Variants in AKAP6 observed in about 807,000 individuals in gnomAD.
AKAP6 encodes A-kinase anchor protein 6.
In AKAP6, 58 loss-of-function variants were observed where a neutral mutation model predicts 188.5. That is an observed-to-expected ratio of 0.31 (90% CI 0.25 to 0.38). AKAP6 has a LOEUF of 0.38. Ranked by LOEUF, AKAP6 falls within the 10% of genes least tolerant of loss-of-function variation. AKAP6 has a pLI of 1.00. For synonymous variants in AKAP6, 989 were observed against 998.6 expected, an observed-to-expected ratio of 0.99 and a Z score of 0.18; for missense variants, 2,710 against 2,740.0, an observed-to-expected ratio of 0.99 and a Z score of 0.24.
chr14:32,674,715 C>T (rs761849536), intron 7 of AKAP6, among the ~76,000 whole-genome samples: 12 of 152,028 alleles, frequency 7.9e-5, no homozygotes, highest in Non-Finnish European at 1.6e-4. Flanking sequence ...ACCCAAGTAG[C>T]GATGTCAGGT....
intron 2 of AKAP6, among the ~76,000 whole-genome samples, chr14:32,501,478 A>G (rs1322368014): frequency 6.6e-6 from 1 of 152,008 alleles, no homozygotes; most frequent in African/African-American, 2.4e-5. Flanking sequence ...AAAGTATATC[A>G]CTTCTACCCA....
At chr14:32,454,692 C>T (rs1274226609) in intron 2 of AKAP6, among the ~76,000 whole-genome samples, 5 of 60,860 alleles carry the variant, frequency 8.2e-5, no homozygotes, top group South Asian at 8.0e-4. Flanking sequence ...TCCTTCCCTC[C>T]CTCCCTCCCT....
intron 2 of AKAP6, among the ~76,000 whole-genome samples, chr14:32,499,002 A>G (rs1412330466): frequency 1.3e-5 from 2 of 151,480 alleles, no homozygotes; most frequent in East Asian, 1.9e-4. Flanking sequence ...TCCATACTCT[A>G]TGTAGCACAT....
intron 1 of AKAP6, among the ~76,000 whole-genome samples, chr14:32,389,371 T>C (rs1957643): frequency 0.85 from 129,609 of 152,000 alleles, 56,121 homozygotes; most frequent in Non-Finnish European, 0.93. Context: ...GAGGTACCAT[T>C]CTATTCATCC....
intron 1 of AKAP6, among the ~76,000 whole-genome samples, chr14:32,413,821 A>T (rs932738034): frequency 2.8e-4 from 42 of 152,144 alleles, no homozygotes; most frequent in African/African-American, 9.9e-4. Context: ...AGGGAGGATG[A>T]GCCCAAAGCA....
intron 1 of AKAP6, among the ~76,000 whole-genome samples, chr14:32,333,121 C>T (rs1886583478): frequency 6.6e-6 from 1 of 152,086 alleles, no homozygotes; most frequent in Non-Finnish European, 1.5e-5. Flanking sequence ...TTGTCCTAAC[C>T]TGCTCCAAAG....
intron 2 of AKAP6, among the ~76,000 whole-genome samples, chr14:32,481,732 C>T (rs1173016084): frequency 2.6e-5 from 4 of 152,140 alleles, no homozygotes; most frequent in African/African-American, 7.2e-5. Flanking sequence ...ACAGCAAAAC[C>T]ATATAAATTT....
intron 2 of AKAP6, among the ~76,000 whole-genome samples, chr14:32,456,498 TTTTTG>T (rs757409725): frequency 1.6e-4 from 24 of 152,202 alleles, no homozygotes; most frequent in Non-Finnish European, 2.2e-4. Context: ...CATGCAAAAT[TTTTTG>T]TTTTATTATC....
chr14:32,461,800 T>A (rs1891333575), intron 2 of AKAP6, among the ~76,000 whole-genome samples: 1 of 152,040 alleles, frequency 6.6e-6, no homozygotes, highest in African/African-American at 2.4e-5. Flanking sequence ...AAGGAGGATG[T>A]TATAATGCAA....
At chr14:32,803,246 C>G (rs370522972) in intron 12 of AKAP6, among the ~76,000 whole-genome samples, 1 of 151,006 alleles carries the variant, frequency 6.6e-6, no homozygotes, top group East Asian at 1.9e-4. Context: ...GAGTTCAAGA[C>G]CAGCCTGGCC....
At chr14:32,531,127 A>AT (rs1882395376) in intron 2 of AKAP6, among the ~76,000 whole-genome samples, 1 of 152,198 alleles carries the variant, frequency 6.6e-6, no homozygotes, top group African/African-American at 2.4e-5. Flanking sequence ...TGAGTACTGC[A>AT]TGCCATGGTG....
At chr14:32,400,847 A>G (rs964327975) in intron 1 of AKAP6, among the ~76,000 whole-genome samples, 6 of 152,150 alleles carry the variant, frequency 3.9e-5, no homozygotes, top group Admixed American at 2.6e-4. Context: ...GGATCCTAAT[A>G]GTTTGCATTT....
intron 1 of AKAP6, among the ~76,000 whole-genome samples, chr14:32,334,335 T>G (rs543232068): frequency 6.6e-6 from 1 of 152,342 alleles, no homozygotes; most frequent in East Asian, 1.9e-4. Context: ...CTGCCTGGGA[T>G]GTGTATCATT....
At chr14:32,803,122 T>G (rs1184177354) in intron 12 of AKAP6, among the ~76,000 whole-genome samples, 1 of 151,854 alleles carries the variant, frequency 6.6e-6, no homozygotes, top group Non-Finnish European at 1.5e-5. Context: ...CTTAAAAGAT[T>G]TTTTAAAAGG....
At chr14:32,828,541 A>T (rs931514340) in intron 13 of AKAP6, among the ~76,000 whole-genome samples, 4,528 of 91,972 alleles carry the variant, frequency 0.049, 137 homozygotes, top group African/African-American at 0.16. Context: ...ACACACACAC[A>T]CACACACACA....
At position 32,726,304 on chromosome 14, in the gene AKAP6, C is replaced by T. The variant is rs1437195143; in HGVS notation, c.3001-6150C>T. On this transcript the variant is annotated intron_variant, in intron 9 of 13. Transcript: ENST00000280979. The stretch of plus-strand genomic sequence containing the variant: ...TTACAGTTTGCTCAACATGAAAGTA[C>T]CCAAATGAAGGGTTCTGTAAAAGGT... 3 of 718,410 alleles carry T rather than the reference C, an allele frequency of 4.2e-6. No homozygotes were observed. In the African/African-American group the frequency reaches 5.8e-5, roughly 14 times the overall value. The allele number at this position is 718,410 out of a possible 1,614,324, so 44.5% of individuals were successfully genotyped here. A position where few individuals can be genotyped will look rare whatever the true frequency, so the allele number is the denominator to read the frequency against.
intron 4 of AKAP6, among the ~76,000 whole-genome samples, chr14:32,559,197 C>A (rs13379184): frequency 9.2e-4 from 140 of 152,238 alleles, no homozygotes; most frequent in African/African-American, 2.8e-3. Flanking sequence ...GGGCTACAAA[C>A]TAAAATTAAG....
chr14:32,390,601 GTAGTGAGTGTTA>G (rs923401578), intron 1 of AKAP6, among the ~76,000 whole-genome samples: 8 of 152,232 alleles, frequency 5.3e-5, no homozygotes, highest in African/African-American at 1.7e-4. Context: ...GGGCTGAGTT[GTAGTGAGTGTTA>G]TCTCTCTTCT....
intron 12 of AKAP6, among the ~76,000 whole-genome samples, chr14:32,775,818 A>C (rs2033043327): frequency 6.6e-6 from 1 of 152,198 alleles, no homozygotes; most frequent in South Asian, 2.1e-4. Flanking sequence ...ATACAGGTAG[A>C]TACAAATTCC....
Sources: allele counts gnomAD v4.1 joint callset (sites outside exome capture counted in the v4.1 genomes callset), GRCh38; gene constraint gnomAD v4.1.1; transcripts MANE v1.5; gene names NCBI Gene and HGNC (gene_info 2026-07-23, HGNC 2026-07-21).